SLAMF6: variants seen among roughly 807,000 people sequenced by gnomAD.
SLAMF6 encodes the protein SLAM family member 6, also known as NK-T-B-antigen.
Under a neutral mutation model 38.3 loss-of-function variants are expected in SLAMF6, and 21 were observed. That is an observed-to-expected ratio of 0.55 (90% confidence interval 0.39 to 0.79). The LOEUF is 0.79. Among genes scored for constraint, SLAMF6 ranks in the 30% least tolerant of loss-of-function variants. The pLI is 0.00. For missense variants in SLAMF6, 341 were observed against 385.3 expected (o/e 0.89, Z 0.96); for synonymous variants, 152 against 146.3 (o/e 1.04, Z -0.28).
At chr1:160,486,975 G>A (rs914232883) in intron 7 of SLAMF6, 129 bp downstream of exon 7, 1 of 972,628 alleles carries the variant, frequency 1.0e-6, no homozygotes, top group African/African-American at 1.7e-5. Context: ...GTGATGTCCT[G>A]AGACTTTCCG....
chr1:160,506,608 G>C (rs1654200460), intron 1 of SLAMF6, among the ~76,000 whole-genome samples: 2 of 152,118 alleles, frequency 1.3e-5, no homozygotes, highest in African/African-American at 4.8e-5. Flanking sequence ...AAATCTGACT[G>C]CATAGATTAA....
At chr1:160,491,057 C>T (rs772346399) in intron 3 of SLAMF6, 68 bp downstream of exon 3, 20 of 1,576,892 alleles carry the variant, frequency 1.3e-5, no homozygotes, top group South Asian at 4.6e-5. Context: ...TTGGAAATTA[C>T]GTAGGATGTG....
At chr1:160,498,195 T>G (rs957546596) in intron 1 of SLAMF6, among the ~76,000 whole-genome samples, 1 of 152,028 alleles carries the variant, frequency 6.6e-6, no homozygotes, top group African/African-American at 2.4e-5. Context: ...TCTGAAAGAA[T>G]GAAGGGTCCA....
At position 160,498,715 on chromosome 1, in the gene SLAMF6, A is replaced by G. The variant is rs528867358; in HGVS notation, c.50-2322T>C. Among the ~76,000 whole-genome samples, 61 of 152,084 alleles carry G rather than the reference A, an allele frequency of 4.0e-4. 1 individual carries two copies. Among genetic ancestry groups the G allele is most frequent in the South Asian group, 4.0e-3 (19 of 4,808 alleles). On this transcript the variant is annotated intron_variant, in intron 1 of 7. Transcript: ENST00000368057. ...AAACCATATCAAAAACCAAACCAGC[A>G]TCTATTGTGTTCTTTTTTTTGACTT... is the stretch of plus-strand genomic sequence containing the variant.
intron 5 of SLAMF6, among the ~76,000 whole-genome samples, chr1:160,489,833 C>T (rs936587124): frequency 6.6e-6 from 1 of 152,170 alleles, no homozygotes; most frequent in Non-Finnish European, 1.5e-5. Context: ...CCTGGCTGAA[C>T]AGTAATGATG....
At chr1:160,511,227 A>C (rs545232258) in intron 1 of SLAMF6, among the ~76,000 whole-genome samples, 2 of 152,314 alleles carry the variant, frequency 1.3e-5, no homozygotes, top group Non-Finnish European at 2.9e-5. Context: ...TAATTCTCAA[A>C]TTTATATGTG....
chr1:160,492,466 A>G (rs1653354665), intron 2 of SLAMF6, among the ~76,000 whole-genome samples: 1 of 152,174 alleles, frequency 6.6e-6, no homozygotes, highest in Non-Finnish European at 1.5e-5. Flanking sequence ...CTGTAAGACC[A>G]GGTAATAATA....
At chr1:160,519,928 C>T (rs1393953525) in intron 1 of SLAMF6, among the ~76,000 whole-genome samples, 3 of 152,010 alleles carry the variant, frequency 2.0e-5, no homozygotes, top group African/African-American at 7.3e-5. Flanking sequence ...CATCCTGTTA[C>T]AAGAATTTCA....
intron 2 of SLAMF6, among the ~76,000 whole-genome samples, chr1:160,494,443 C>T (rs534244135): frequency 3.3e-5 from 5 of 152,312 alleles, no homozygotes; most frequent in African/African-American, 9.6e-5. Flanking sequence ...AATTACTGGT[C>T]ACCCAGGGTG....
intron 1 of SLAMF6, among the ~76,000 whole-genome samples, chr1:160,498,626 C>G (rs1653721563): frequency 6.6e-6 from 1 of 152,196 alleles, no homozygotes; most frequent in South Asian, 2.1e-4. Flanking sequence ...CAGGTCCCTC[C>G]CATGACATGT....
chr1:160,494,390 T>C (rs1280361705), intron 2 of SLAMF6, among the ~76,000 whole-genome samples: 1 of 152,142 alleles, frequency 6.6e-6, no homozygotes, highest in Non-Finnish European at 1.5e-5. Context: ...GGCTTTCCAT[T>C]GGATGAGTCT....
In SLAMF6 at chr1:160,506,683, G is replaced by T. The variant is rs145322502; in HGVS notation, c.50-10290C>A. ...CTCCTTTTTCCCACATGATTTAAAAGACAAATGAGTAAAACAATAATTATA... is the reference window on the plus strand; with the variant it reads ...CTCCTTTTTCCCACATGATTTAAAATACAAATGAGTAAAACAATAATTATA... On this transcript the variant is annotated intron_variant, in intron 1 of 7. Transcript: ENST00000368057. Among the ~76,000 whole-genome samples the T allele has an allele frequency of 8.5e-3, 1,297 of 152,188 alleles. 26 individuals carry two copies. The highest frequency in any genetic ancestry group is 0.03 in the African/African-American group (1,248 of 41,532).
At chr1:160,496,674 G>A (rs1653600462) in intron 1 of SLAMF6, among the ~76,000 whole-genome samples, 1 of 152,178 alleles carries the variant, frequency 6.6e-6, no homozygotes, top group African/African-American at 2.4e-5. Context: ...TCACTCCTAG[G>A]TCATAACTAT....
intron 1 of SLAMF6, among the ~76,000 whole-genome samples, chr1:160,506,765 C>T (rs923500952): frequency 1.3e-5 from 2 of 152,140 alleles, no homozygotes; most frequent in African/African-American, 4.8e-5. Flanking sequence ...AACGTAAAGG[C>T]AGCAGAATGA....
At chr1:160,511,608 C>T (rs530793703) in intron 1 of SLAMF6, among the ~76,000 whole-genome samples, 3 of 152,174 alleles carry the variant, frequency 2.0e-5, no homozygotes, top group Admixed American at 2.0e-4. Context: ...AGAGCTAAAA[C>T]TCTTAGAAGA....
In SLAMF6 at chr1:160,486,443, G is replaced by T; in HGVS notation, c.*264C>A. 2.3e-6 allele frequency: 1 copy of T among 425,914 alleles called. No individual in the cohort carries two copies. Among genetic ancestry groups the T allele is most frequent in the South Asian group, 2.8e-5 (1 of 35,682 alleles). 26.4% of individuals were successfully genotyped at this position (425,914 alleles called of 1,614,324 possible). On this transcript the variant is annotated 3_prime_UTR_variant, in exon 8 of 8. Coordinates refer to ENST00000368057, the MANE Select transcript of SLAMF6 (RefSeq NM_001184714.2). ...CTTAGTTATCAAAGAGAGAGTCAAT[G>T]TGCTGGTGTGTTATCTTTAGCATGT...
At chr1:160,517,295 G>A (rs919694427) in intron 1 of SLAMF6, among the ~76,000 whole-genome samples, 1 of 152,064 alleles carries the variant, frequency 6.6e-6, no homozygotes, top group East Asian at 1.9e-4. Context: ...AAATACAATT[G>A]AAAACCACAA....
In SLAMF6 at chr1:160,491,141, G is replaced by A; in HGVS notation, c.630C>T (p.Ala210=). Residue 210 remains alanine (A), a synonymous_variant, in exon 3 of 8, where the codon GCC becomes GCT. Coordinates refer to ENST00000368057, the MANE Select transcript of SLAMF6 (RefSeq NM_001184714.2). Reference sequence around the variant, plus strand: ...GGCTGTTACCTTCGCAAAGCTTCTGGGCAGAGACAGAGAAGGATAAATTAC... The same window carrying A: ...GGCTGTTACCTTCGCAAAGCTTCTGAGCAGAGACAGAGAAGGATAAATTAC... ...AVSNLSFSVS[A]QKLCEDVKIQ... is the part of the protein sequence containing the mutation. The A allele has an allele frequency of 6.2e-7, 1 of 1,613,722 alleles. No individual in the cohort carries two copies. Among genetic ancestry groups the A allele is most frequent in the Non-Finnish European group, 8.5e-7 (1 of 1,179,938 alleles).
intron 1 of SLAMF6, among the ~76,000 whole-genome samples, chr1:160,518,443 A>T (rs1372918127): frequency 6.6e-6 from 1 of 152,196 alleles, no homozygotes; most frequent in African/African-American, 2.4e-5. Flanking sequence ...TGTTATAAAG[A>T]TATGTGTATG....
Sources: allele counts gnomAD v4.1 joint callset (sites outside exome capture counted in the v4.1 genomes callset), GRCh38; gene constraint gnomAD v4.1.1; transcripts MANE v1.5; gene names NCBI Gene and HGNC (gene_info 2026-07-23, HGNC 2026-07-21).